FHOD3: variants seen among roughly 807,000 people sequenced by gnomAD.
FHOD3 encodes the protein FH1/FH2 domain-containing protein 3.
Under a neutral mutation model 173.0 loss-of-function variants are expected in FHOD3, and 90 were observed. The ratio of observed to expected loss-of-function variants is 0.52; its 90% CI spans 0.44 to 0.62. FHOD3 has a LOEUF of 0.62. Ranked by LOEUF, FHOD3 falls within the 20% of genes least tolerant of loss-of-function variation. FHOD3 has a pLI of 0.00. For synonymous variants in FHOD3, 828 were observed against 823.0 expected (o/e 1.01, Z -0.10); for missense variants, 1,945 against 2,034.7 (o/e 0.96, Z 0.85).
At chr18:36,613,594 A>T (rs1397530533) in intron 9 of FHOD3, among the ~76,000 whole-genome samples, 1 of 152,172 alleles carries the variant, frequency 6.6e-6, no homozygotes, top group East Asian at 1.9e-4. Context: ...ATCCCTGAGG[A>T]CATTCCACCA....
chr18:36,511,033 G>T (rs1158886447), intron 4 of FHOD3, among the ~76,000 whole-genome samples: 2 of 152,228 alleles, frequency 1.3e-5, no homozygotes, highest in Non-Finnish European at 2.9e-5. Context: ...AGGAACAGGA[G>T]AATTATGCCA....
At position 36,325,076 on chromosome 18, in the gene FHOD3, G is replaced by T. The variant is rs76069641; in HGVS notation, c.165+27076G>T. Among the ~76,000 whole-genome samples the T allele has an allele frequency of 2.6e-4, 40 of 152,272 alleles. No homozygotes were observed. In the East Asian group the frequency reaches 2.9e-3, roughly 11 times the overall value. ...TGCAAGAAAGAATCTAGACACAGGA[G>T]AGTACATAATGCACATTGATATATC... On this transcript the variant is annotated intron_variant, in intron 1 of 28. Coordinates refer to ENST00000590592, the MANE Select transcript of FHOD3 (RefSeq NM_001281740.3).
chr18:36,438,440 C>A (rs763569308), intron 3 of FHOD3, among the ~76,000 whole-genome samples: 4 of 152,148 alleles, frequency 2.6e-5, no homozygotes, highest in Non-Finnish European at 5.9e-5. Context: ...CTGCTTTCTC[C>A]CTCTCTCTTT....
chr18:36,637,733 G>C (rs147791529), intron 10 of FHOD3, among the ~76,000 whole-genome samples: 2 of 152,194 alleles, frequency 1.3e-5, no homozygotes, highest in African/African-American at 2.4e-5. Context: ...GGTAGATAGA[G>C]GGTTACAGGG....
At chr18:36,354,730 C>T (rs746222020) in intron 1 of FHOD3, among the ~76,000 whole-genome samples, 2 of 151,826 alleles carry the variant, frequency 1.3e-5, no homozygotes, top group African/African-American at 4.8e-5. Context: ...TGCTTGAACC[C>T]GGGAGGCAGA....
rs565568028 is a variant in FHOD3, at chr18:36,581,710, G to A, written c.606+5165G>A. On this transcript the variant is annotated intron_variant, in intron 6 of 28. Transcript: ENST00000590592. ...CATACATACATGCTCGTGCTCATGC[G>A]CTCTCTCTTTCTCTGTCATATACAT... is the stretch of plus-strand genomic sequence containing the variant. 7.0e-4 allele frequency among the ~76,000 whole-genome samples: 106 copies of A among 152,218 alleles called. 1 individual carries two copies. Among genetic ancestry groups the A allele is most frequent in the African/African-American group, 2.3e-3 (95 of 41,514 alleles).
At chr18:36,439,906 T>A (rs149318996) in intron 3 of FHOD3, among the ~76,000 whole-genome samples, 270 of 152,246 alleles carry the variant, frequency 1.8e-3, no homozygotes, top group Non-Finnish European at 2.7e-3. Flanking sequence ...GATGATGCCC[T>A]CCCCATCCCC....
At chr18:36,404,653 G>A (rs532945873) in intron 3 of FHOD3, among the ~76,000 whole-genome samples, 4 of 152,234 alleles carry the variant, frequency 2.6e-5, no homozygotes, top group African/African-American at 9.6e-5. Context: ...TGATGTCAAG[G>A]CCTGAGTCAT....
intron 3 of FHOD3, among the ~76,000 whole-genome samples, chr18:36,460,021 T>C (rs575830996): frequency 3.0e-4 from 46 of 152,332 alleles, no homozygotes; most frequent in Non-Finnish European, 5.6e-4. Flanking sequence ...TTGAGTAAAG[T>C]GTCCCTCGAT....
At chr18:36,364,389 G>A (rs1199100479) in intron 2 of FHOD3, among the ~76,000 whole-genome samples, 2 of 152,142 alleles carry the variant, frequency 1.3e-5, no homozygotes, top group Non-Finnish European at 2.9e-5. Context: ...GGAAAGGGAC[G>A]AAGGGAGTGC....
At chr18:36,495,763 A>G (rs961473534) in intron 3 of FHOD3, among the ~76,000 whole-genome samples, 4 of 152,190 alleles carry the variant, frequency 2.6e-5, no homozygotes, top group African/African-American at 9.7e-5. Flanking sequence ...ACACACACCC[A>G]CATATACACG....
intron 3 of FHOD3, among the ~76,000 whole-genome samples, chr18:36,441,883 T>G (rs2051175923): frequency 6.6e-6 from 1 of 152,190 alleles, no homozygotes; most frequent in Non-Finnish European, 1.5e-5. Flanking sequence ...GTTGCATGAT[T>G]TTTTTAAAAA....
chr18:36,619,305 ATGACCACC>A (rs1431621664), intron 9 of FHOD3, among the ~76,000 whole-genome samples: 1 of 152,212 alleles, frequency 6.6e-6, no homozygotes, highest in Non-Finnish European at 1.5e-5. Context: ...TGTATCTGAC[ATGACCACC>A]TGAAAGCCAC....
At chr18:36,420,414 T>C (rs927029320) in intron 3 of FHOD3, among the ~76,000 whole-genome samples, 1 of 152,190 alleles carries the variant, frequency 6.6e-6, no homozygotes, top group Non-Finnish European at 1.5e-5. Context: ...CCTGACACTG[T>C]AGCACCCCTT....
intron 14 of FHOD3, among the ~76,000 whole-genome samples, chr18:36,660,478 A>G (rs2036715529): frequency 6.6e-6 from 1 of 152,216 alleles, no homozygotes; most frequent in African/African-American, 2.4e-5. Flanking sequence ...AGGCAGTGTC[A>G]GAGTCCAAGA....
intron 5 of FHOD3, among the ~76,000 whole-genome samples, chr18:36,541,796 G>C (rs1400303515): frequency 6.6e-6 from 1 of 152,032 alleles, no homozygotes; most frequent in African/African-American, 2.4e-5. Flanking sequence ...TTCTCTATGG[G>C]GCAGAATTGG....
chr18:36,647,963 T>G (rs1456692154), intron 10 of FHOD3, among the ~76,000 whole-genome samples: 1 of 152,114 alleles, frequency 6.6e-6, no homozygotes, highest in Non-Finnish European at 1.5e-5. Context: ...AATTCAGTGG[T>G]TTGTGTACTT....
chr18:36,487,234 A>G (rs140381914), intron 3 of FHOD3, among the ~76,000 whole-genome samples: 30 of 152,348 alleles, frequency 2.0e-4, no homozygotes, highest in African/African-American at 6.5e-4. Context: ...ACTGCTTTCT[A>G]GAGAGGTTGC....
At chr18:36,663,006 T>C (rs2036914832) in intron 14 of FHOD3, among the ~76,000 whole-genome samples, 1 of 152,180 alleles carries the variant, frequency 6.6e-6, no homozygotes, top group South Asian at 2.1e-4. Flanking sequence ...AGAGTAGCAA[T>C]CACTTTTCTC....
Sources: allele counts gnomAD v4.1 joint callset (sites outside exome capture counted in the v4.1 genomes callset), GRCh38; gene constraint gnomAD v4.1.1; transcripts MANE v1.5; gene names NCBI Gene and HGNC (gene_info 2026-07-23, HGNC 2026-07-21).